CTNNA3: variants seen among roughly 807,000 people sequenced by gnomAD.
The protein encoded by CTNNA3 is catenin alpha-3.
Under a neutral mutation model 95.7 loss-of-function variants are expected in CTNNA3, and 76 were observed. The observed-to-expected ratio is 0.79, with a 90% CI of 0.66 to 0.96. The LOEUF (loss-of-function observed/expected upper bound fraction) is 0.96, where lower values mean the gene tolerates loss of function less well. CTNNA3 is among the 40% of genes least tolerant of loss of function. The probability of loss-of-function intolerance (pLI) is 0.00; values close to 1 mark genes in which losing one functional copy is unlikely to be tolerated. For missense variants in CTNNA3, 1,191 were observed against 1,089.8 expected (o/e 1.09, Z -1.31); for synonymous variants, 431 against 374.4 (o/e 1.15, Z -1.74).
chr10:66,664,889 TAA>T (rs56801434), intron 9 of CTNNA3, among the ~76,000 whole-genome samples: 29 of 134,520 alleles, frequency 2.2e-4, no homozygotes, highest in African/African-American at 7.6e-4. Context: ...CTGAAAAAAT[TAA>T]AAAAAAAAAA....
intron 5 of CTNNA3, among the ~76,000 whole-genome samples, chr10:67,236,844 G>A (rs934789208): frequency 9.2e-5 from 14 of 151,466 alleles, no homozygotes; most frequent in Admixed American, 9.2e-4. Flanking sequence ...ATGTTGGCAT[G>A]GATGCAGTGA....
At chr10:66,829,695 A>G (rs1026196398) in intron 7 of CTNNA3, among the ~76,000 whole-genome samples, 4 of 31,760 alleles carry the variant, frequency 1.3e-4, no homozygotes, top group Non-Finnish European at 2.9e-4. Context: ...CATTTTGGAA[A>G]AAAAAAAAAA....
At chr10:66,123,581 C>T (rs780500762) in intron 13 of CTNNA3, among the ~76,000 whole-genome samples, 1 of 152,206 alleles carries the variant, frequency 6.6e-6, no homozygotes, top group Non-Finnish European at 1.5e-5. Flanking sequence ...TATAGGGGCT[C>T]TGACCCCACA....
intron 12 of CTNNA3, among the ~76,000 whole-genome samples, chr10:66,339,081 C>T (rs781386985): frequency 4.6e-5 from 7 of 151,750 alleles, no homozygotes; most frequent in Admixed American, 6.6e-5. Flanking sequence ...TAGCATCTAG[C>T]TCTACCAACA....
At chr10:67,130,902 C>A (rs1448592471) in intron 7 of CTNNA3, among the ~76,000 whole-genome samples, 2 of 151,990 alleles carry the variant, frequency 1.3e-5, no homozygotes, top group African/African-American at 2.4e-5. Context: ...TAACTTCTGG[C>A]ATTTTGGACA....
At chr10:66,588,421 G>A (rs1189977579) in intron 10 of CTNNA3, among the ~76,000 whole-genome samples, 4 of 152,160 alleles carry the variant, frequency 2.6e-5, no homozygotes, top group Non-Finnish European at 4.4e-5. Flanking sequence ...CTTTCCAAGT[G>A]GGAGAGGCAG....
At chr10:67,413,145 G>A (rs7923367) in intron 5 of CTNNA3, among the ~76,000 whole-genome samples, 10,453 of 151,888 alleles carry the variant, frequency 0.069, 500 homozygotes, top group African/African-American at 0.14. Flanking sequence ...AAAAGTATGC[G>A]GTAAGATCTA....
chr10:66,150,406 C>A (rs1488707006), intron 13 of CTNNA3, among the ~76,000 whole-genome samples: 1 of 152,116 alleles, frequency 6.6e-6, no homozygotes, highest in Non-Finnish European at 1.5e-5. Context: ...TCTTTATCAG[C>A]AGTGTGAAAG....
chr10:67,332,434 C>T (rs1339602061), intron 5 of CTNNA3, among the ~76,000 whole-genome samples: 2 of 152,122 alleles, frequency 1.3e-5, no homozygotes, highest in African/African-American at 4.8e-5. Context: ...AGAACTAAAG[C>T]ATAAAACTAC....
At chr10:66,490,037 C>A (rs138874293) in intron 11 of CTNNA3, among the ~76,000 whole-genome samples, 1 of 152,106 alleles carries the variant, frequency 6.6e-6, no homozygotes, top group Non-Finnish European at 1.5e-5. Context: ...TAGTTTCTAT[C>A]GAGTGGGAAT....
At chr10:66,739,944 A>G (rs1849272375) in intron 9 of CTNNA3, among the ~76,000 whole-genome samples, 1 of 152,204 alleles carries the variant, frequency 6.6e-6, no homozygotes, top group African/African-American at 2.4e-5. Flanking sequence ...AAACATGAAG[A>G]ACAAAGCCCT....
rs537981695 is a variant in CTNNA3, at chr10:67,747,246, C to T, written c.-2+16188G>A. 2.0e-5 allele frequency among the ~76,000 whole-genome samples: 3 copies of T among 152,318 alleles called. No individual in the cohort carries two copies. The South Asian group carries it at 6.2e-4, about 32-fold the overall frequency. On this transcript the variant is annotated intron_variant, in intron 1 of 17. Transcript: ENST00000684154. Reference sequence around the variant, plus strand: ...AGCAGACCAGACGAGTGGGTTTCCCCCCAGTGCAGCACACCCCCTCCACCA... The same window carrying T: ...AGCAGACCAGACGAGTGGGTTTCCCTCCAGTGCAGCACACCCCCTCCACCA...
chr10:66,556,140 T>C (rs891394785), intron 10 of CTNNA3, among the ~76,000 whole-genome samples: 1 of 151,894 alleles, frequency 6.6e-6, no homozygotes, highest in Admixed American at 6.6e-5. Context: ...ATCAGGGAGA[T>C]GCAAATCAGA....
intron 7 of CTNNA3, among the ~76,000 whole-genome samples, chr10:67,159,177 C>T (rs1048180854): frequency 5.9e-5 from 9 of 152,230 alleles, no homozygotes; most frequent in African/African-American, 1.9e-4. Context: ...ACCGCCAGCG[C>T]ATGCAGCCCC....
At position 66,435,247 on chromosome 10, in the gene CTNNA3, T is replaced by C. The variant is rs545698237; in HGVS notation, c.1532-55895A>G. ...AACCAGCTCTTCTTTGTACCTCTGA[T>C]AGAATTTGGCTGTGAATCTGTCTGG... On this transcript the variant is annotated intron_variant, in intron 11 of 17. Coordinates refer to ENST00000433211, the MANE Select transcript of CTNNA3 (RefSeq NM_013266.4). 2.0e-5 allele frequency among the ~76,000 whole-genome samples: 3 copies of C among 152,158 alleles called. No homozygotes were observed. The South Asian group carries it at 6.2e-4, about 32-fold the overall frequency.
chr10:65,945,696 T>G (rs2077505601), intron 17 of CTNNA3, among the ~76,000 whole-genome samples: 1 of 152,196 alleles, frequency 6.6e-6, no homozygotes, highest in African/African-American at 2.4e-5. Flanking sequence ...GAGGCTCTTT[T>G]TCTTCCTTGT....
chr10:67,522,194 C>G (rs529994625), intron 4 of CTNNA3, among the ~76,000 whole-genome samples: 34 of 152,096 alleles, frequency 2.2e-4, no homozygotes, highest in Admixed American at 7.9e-4. Flanking sequence ...CTGTTCAGTC[C>G]TCATTCTAAC....
chr10:67,169,849 T>A (rs1038224765), intron 7 of CTNNA3, among the ~76,000 whole-genome samples: 3 of 151,932 alleles, frequency 2.0e-5, no homozygotes, highest in Admixed American at 6.6e-5. Context: ...TGGGAGAAAA[T>A]ATTTGCAAAC....
At chr10:67,264,221 A>G (rs1866727682) in intron 5 of CTNNA3, among the ~76,000 whole-genome samples, 1 of 152,170 alleles carries the variant, frequency 6.6e-6, no homozygotes, top group Non-Finnish European at 1.5e-5. Context: ...AGAAAGGGTG[A>G]GTAACTAGTC....
Sources: gnomAD v4.1 joint callset for allele counts (sites outside exome capture counted in the v4.1 genomes callset) on GRCh38, gnomAD v4.1.1 for gene constraint, MANE v1.5 for transcripts, NCBI Gene and HGNC (gene_info 2026-07-23, HGNC 2026-07-21) for gene names.